HMBOX1: variants seen among roughly 807,000 people sequenced by gnomAD.
The protein encoded by HMBOX1 is homeobox containing 1.
A neutral mutation model predicts 54.5 loss-of-function variants in HMBOX1; 14 were observed. That is an observed-to-expected ratio of 0.26 (90% CI 0.17 to 0.40). HMBOX1 has a LOEUF of 0.40. Among genes scored for constraint, HMBOX1 ranks in the 10% least tolerant of loss-of-function variants. HMBOX1 has a pLI of 1.00. For synonymous variants in HMBOX1, 160 were observed against 181.0 expected, an observed-to-expected ratio of 0.88 and a Z score of 0.93; for missense variants, 332 against 514.4, an observed-to-expected ratio of 0.65 and a Z score of 3.43.
At chr8:28,904,062 A>T (rs1813776220) in intron 1 of HMBOX1, among the ~76,000 whole-genome samples, 1 of 152,116 alleles carries the variant, frequency 6.6e-6, no homozygotes. Context: ...AGAAACTCTG[A>T]TCTAGGGCCA....
intron 1 of HMBOX1, among the ~76,000 whole-genome samples, chr8:28,934,350 A>G (rs746885150): frequency 1.3e-5 from 2 of 152,240 alleles, no homozygotes. Flanking sequence ...CCCAAAACTT[A>G]GATTGTACTT....
intron 3 of HMBOX1, among the ~76,000 whole-genome samples, chr8:28,978,786 CAAAA>C (rs36075812): frequency 1.0e-5 from 1 of 95,842 alleles, no homozygotes; most frequent in Non-Finnish European, 1.9e-5. Flanking sequence ...GACTCCGTCT[CAAAA>C]AAAAAAAAAA....
intron 4 of HMBOX1, among the ~76,000 whole-genome samples, chr8:28,996,954 T>C (rs941280012): frequency 3.3e-5 from 5 of 152,214 alleles, no homozygotes; most frequent in Non-Finnish European, 7.3e-5. Context: ...TCTTATATTC[T>C]GCAACCATGC....
chr8:28,904,039 A>G (rs1280121318), intron 1 of HMBOX1, among the ~76,000 whole-genome samples: 8 of 152,226 alleles, frequency 5.3e-5, no homozygotes, highest in Admixed American at 4.6e-4. Context: ...AAATGTCAAC[A>G]GTACTGGGAT....
At chr8:28,922,712 G>A (rs1384168164) in intron 1 of HMBOX1, among the ~76,000 whole-genome samples, 1 of 152,040 alleles carries the variant, frequency 6.6e-6, no homozygotes, top group Non-Finnish European at 1.5e-5. Flanking sequence ...AATCTGTAAT[G>A]GAGACTTTGA....
chr8:28,993,789 C>G (rs901160611), intron 4 of HMBOX1, among the ~76,000 whole-genome samples: 1 of 152,148 alleles, frequency 6.6e-6, no homozygotes, highest in African/African-American at 2.4e-5. Flanking sequence ...AGAATCACAA[C>G]AGGATTTTGT....
intron 1 of HMBOX1, among the ~76,000 whole-genome samples, chr8:28,918,219 T>C (rs1460743795): frequency 1.3e-5 from 2 of 152,216 alleles, no homozygotes; most frequent in African/African-American, 2.4e-5. Flanking sequence ...ATTTTTATTT[T>C]TTGAGATGGA....
At chr8:29,048,380 G>A (rs1805919047) in intron 8 of HMBOX1, 1 of 152,144 alleles carries the variant, frequency 6.6e-6, no homozygotes, top group South Asian at 2.1e-4. Context: ...AGGGAACTAC[G>A]AATACAACTG....
intron 6 of HMBOX1, among the ~76,000 whole-genome samples, chr8:29,024,980 C>A (rs1449442664): frequency 2.0e-5 from 3 of 152,126 alleles, no homozygotes; most frequent in Non-Finnish European, 4.4e-5. Context: ...CCCACCCCGT[C>A]GGTGGAAAAA....
At chr8:29,010,050 G>C in intron 5 of HMBOX1, 1 of 984,784 alleles carries the variant, frequency 1.0e-6, no homozygotes, top group South Asian at 4.7e-5. Context: ...ATGTATTTTT[G>C]TGTGTAAGTA....
chr8:28,951,766 T>A (rs1411269549), intron 1 of HMBOX1, among the ~76,000 whole-genome samples: 1 of 152,240 alleles, frequency 6.6e-6, no homozygotes, highest in Non-Finnish European at 1.5e-5. Context: ...AATAGTTTCC[T>A]TTCATTCTGC....
At position 29,023,840 on chromosome 8, in the gene HMBOX1, C is replaced by T. The variant is rs557228577; in HGVS notation, c.851+4927C>T. On this transcript the variant is annotated intron_variant, in intron 6 of 9. Transcript: ENST00000287701. ...AATCTGGATGCATATTAGGATCACCCGAGGAGCTTTTAAAACTATCAGGGG... is the reference window on the plus strand; with the variant it reads ...AATCTGGATGCATATTAGGATCACCTGAGGAGCTTTTAAAACTATCAGGGG... 1.1e-4 allele frequency among the ~76,000 whole-genome samples: 16 copies of T among 152,240 alleles called. No homozygotes were observed. In the East Asian group the frequency reaches 2.3e-3, roughly 22 times the overall value.
intron 9 of HMBOX1, 72 bp from the exon 10 acceptor site, chr8:29,050,946 C>G (rs1806355662): frequency 6.7e-7 from 1 of 1,502,752 alleles, no homozygotes; most frequent in South Asian, 1.2e-5. Flanking sequence ...CTCCCCTTGC[C>G]CCAGCATGTC....
At chr8:28,913,457 C>T (rs1815872178) in intron 1 of HMBOX1, among the ~76,000 whole-genome samples, 1 of 152,180 alleles carries the variant, frequency 6.6e-6, no homozygotes, top group Admixed American at 6.5e-5. Context: ...CCCATTTCCC[C>T]ACTTCTCAAC....
rs1483579602 is a variant in HMBOX1, at chr8:29,018,455, C to A, written c.698-305C>A. Among the ~76,000 whole-genome samples the A allele has an allele frequency of 2.0e-5, 3 of 151,962 alleles. No homozygotes were observed. The East Asian group carries it at 5.8e-4, about 29-fold the overall frequency. On this transcript the variant is annotated intron_variant, in intron 5 of 9. Coordinates refer to ENST00000287701, the MANE Select transcript of HMBOX1 (RefSeq NM_001135726.3). ...ATTTTCTTTCATGCTGTATTTCACTCTTTAAAAAAGAAAAGAGTTTACAAG... is the reference window on the plus strand; with the variant it reads ...ATTTTCTTTCATGCTGTATTTCACTATTTAAAAAAGAAAAGAGTTTACAAG...
chr8:29,043,033 GA>G, intron 6 of HMBOX1, among the ~76,000 whole-genome samples: 1 of 152,298 alleles, frequency 6.6e-6, no homozygotes, highest in Non-Finnish European at 1.5e-5. Flanking sequence ...TGTCTTTCTA[GA>G]AAACAGATGG....
chr8:29,053,024 G>C lies in HMBOX1; in HGVS notation c.*1869G>C, dbSNP rs936366801. 2.0e-5 allele frequency: 3 copies of C among 152,470 alleles called. No individual in the cohort carries two copies. Among genetic ancestry groups the C allele is most frequent in the African/African-American group, 7.2e-5 (3 of 41,406 alleles). The allele number at this position is 152,470 out of a possible 1,614,324, so 9.4% of individuals were successfully genotyped here. Reference sequence around the variant, plus strand: ...CCTCAGTTTTCCCTTTCTCATTCAGGAGATACTGAATATCCGCCAGTTTGT... The same window carrying C: ...CCTCAGTTTTCCCTTTCTCATTCAGCAGATACTGAATATCCGCCAGTTTGT... On this transcript the variant is annotated 3_prime_UTR_variant, in exon 10 of 10. Transcript: ENST00000287701.
chr8:28,986,690 C>T (rs546933597), intron 4 of HMBOX1, among the ~76,000 whole-genome samples: 15 of 152,124 alleles, frequency 9.9e-5, no homozygotes, highest in Admixed American at 1.3e-4. Flanking sequence ...TAATTGTTTT[C>T]GCAGAGTGCA....
Position 29,051,003 on chromosome 8 carries a change from T to C in HMBOX1, c.1126-15T>C, listed in dbSNP as rs750293231. 7 of 1,606,784 alleles carry C rather than the reference T, an allele frequency of 4.4e-6. No homozygotes were observed. The highest frequency in any genetic ancestry group is 4.5e-5 in the East Asian group (2 of 44,840). ...TCCAATCCACTAATAACATTTCTTA[T>C]TTCTGCACATCTAGGATGACAGTAC... On this transcript the variant is annotated splice_polypyrimidine_tract_variant and intron_variant, in intron 9 of 9. Transcript: ENST00000287701.
Sources: gnomAD v4.1 joint callset for allele counts (sites outside exome capture counted in the v4.1 genomes callset) on GRCh38, gnomAD v4.1.1 for gene constraint, MANE v1.5 for transcripts, NCBI Gene and HGNC (gene_info 2026-07-23, HGNC 2026-07-21) for gene names.